Variants in GAN observed in about 807,000 individuals in gnomAD.
The protein encoded by GAN is gigaxonin.
GAN carries 48 observed loss-of-function variants against 71.3 expected under a neutral mutation model. The observed-to-expected ratio is 0.67, with a 90% CI of 0.53 to 0.86. The LOEUF (loss-of-function observed/expected upper bound fraction) is 0.86, where lower values mean the gene tolerates loss of function less well. GAN is among the 40% of genes least tolerant of loss of function. GAN has a pLI of 0.00. For synonymous variants in GAN, 386 were observed against 276.8 expected (o/e 1.39, Z -3.92); for missense variants, 928 against 770.1 (o/e 1.21, Z -2.43).
intron 2 of GAN, among the ~76,000 whole-genome samples, chr16:81,353,035 T>C (rs1910351150): frequency 1.3e-5 from 2 of 152,340 alleles, no homozygotes; most frequent in Non-Finnish European, 2.9e-5. Context: ...CTCACGCCTG[T>C]AATCCCAGCA....
At chr16:81,359,659 A>G (rs942568358) in intron 5 of GAN, among the ~76,000 whole-genome samples, 2 of 152,124 alleles carry the variant, frequency 1.3e-5, no homozygotes, top group African/African-American at 4.8e-5. Context: ...ACTAATAAAT[A>G]TGTACAGTAG....
intron 9 of GAN, among the ~76,000 whole-genome samples, chr16:81,366,385 T>G (rs907652673): frequency 6.6e-6 from 1 of 152,240 alleles, no homozygotes; most frequent in Non-Finnish European, 1.5e-5. Context: ...GATAACATCC[T>G]TCTCGATGTC....
intron 1 of GAN, among the ~76,000 whole-genome samples, chr16:81,338,216 G>A (rs1909829134): frequency 6.6e-6 from 1 of 152,076 alleles, no homozygotes. Context: ...TTATAAAATT[G>A]TCAAGGTGAT....
rs1056933165 is a variant in GAN, at chr16:81,315,005, G to C, written c.-109G>C. 4 of 956,674 alleles carry C rather than the reference G, an allele frequency of 4.2e-6. No homozygotes were observed. In the African/African-American group the frequency reaches 5.2e-5, roughly 12 times the overall value. 59.3% of individuals were successfully genotyped at this position (956,674 alleles called of 1,614,324 possible). A position where few individuals can be genotyped will look rare whatever the true frequency, so the allele number is the denominator to read the frequency against. ...CCGGGGGCTCCAGCTTCTGCTCAGA[G>C]CGCGGAGAGCCGGGCCGGGCGGGCG... is the stretch of plus-strand genomic sequence containing the variant. On this transcript the variant is annotated 5_prime_UTR_variant, in exon 1 of 11. Coordinates refer to ENST00000648994, the MANE Select transcript of GAN (RefSeq NM_022041.4).
chr16:81,342,372 C>T (rs1909972472), intron 1 of GAN, among the ~76,000 whole-genome samples: 1 of 152,138 alleles, frequency 6.6e-6, no homozygotes, highest in Non-Finnish European at 1.5e-5. Context: ...AAATTGACCA[C>T]ATAATTGGAA....
chr16:81,333,079 A>T (rs1448264649), intron 1 of GAN, among the ~76,000 whole-genome samples: 1 of 152,082 alleles, frequency 6.6e-6, no homozygotes, highest in Admixed American at 6.6e-5. Context: ...CTCTACCAAA[A>T]ATACAAAACA....
chr16:81,338,264 A>G (rs547087225), intron 1 of GAN, among the ~76,000 whole-genome samples: 1 of 152,280 alleles, frequency 6.6e-6, no homozygotes, highest in South Asian at 2.1e-4. Flanking sequence ...GAGTTTGTAA[A>G]TTGACATCAT....
rs1904289008 is a variant in GAN at position 81,378,276 on chromosome 16, T to G, written c.*680T>G. The stretch of plus-strand genomic sequence containing the variant: ...GATGAGTCAGGTTGCAGCCCTCATG[T>G]GAACTGAAAGAAGTTGCTCGCTTCT... On this transcript the variant is annotated 3_prime_UTR_variant, in exon 11 of 11. Coordinates refer to ENST00000648994, the MANE Select transcript of GAN (RefSeq NM_022041.4). The G allele has an allele frequency of 6.5e-6, 1 of 154,598 alleles. No homozygotes were observed. The highest frequency in any genetic ancestry group is 1.4e-5 in the Non-Finnish European group (1 of 69,604). 9.6% of individuals were successfully genotyped at this position (154,598 alleles called of 1,614,324 possible). A position where few individuals can be genotyped will look rare whatever the true frequency, so the allele number is the denominator to read the frequency against.
rs752274190 is a variant in GAN, at chr16:81,365,363, G to T, written c.1387G>T (p.Ala463Ser). ...GTGGCCTTTCAGGTTTGGAGCGGTGGCCTGTGGAGTTGCTATGGAGCTGTA... is the reference window on the plus strand; with the variant it reads ...GTGGCCTTTCAGGTTTGGAGCGGTGTCCTGTGGAGTTGCTATGGAGCTGTA... ...PLKERRFGAV[A>S]CGVAMELYVF... Residue 463 changes from alanine (A) to serine (S), a missense_variant, in exon 9 of 11, where the codon GCC becomes TCC. Physicochemically the swap from Ala to Ser is moderately conservative, Grantham distance 99 (BLOSUM62 1). Transcript: ENST00000648994. 1.2e-6 allele frequency: 2 copies of T among 1,613,740 alleles called. No individual in the cohort carries two copies. Among genetic ancestry groups the T allele is most frequent in the African/African-American group, 2.7e-5 (2 of 74,776 alleles).
chr16:81,377,511 G>A lies in GAN; in HGVS notation c.1709G>A (p.Cys570Tyr), dbSNP rs1597414244. Residue 570 changes from cysteine (C) to tyrosine (Y), a missense_variant, in exon 11 of 11, where the codon TGT becomes TAT. Coordinates refer to ENST00000648994, the MANE Select transcript of GAN (RefSeq NM_022041.4). ...CCATCCGACCTTCGCCGTACAGGAT[G>A]TGCAGCCTTACGCATTGCGAATTGC... ...LLPSDLRRTG[C>Y]AALRIANCKL... The A allele has an allele frequency of 6.2e-7, 1 of 1,614,170 alleles. No homozygotes were observed. The highest frequency in any genetic ancestry group is 8.5e-7 in the Non-Finnish European group (1 of 1,179,980).
chr16:81,334,978 A>G (rs922512157), intron 1 of GAN, among the ~76,000 whole-genome samples: 11 of 152,212 alleles, frequency 7.2e-5, no homozygotes, highest in African/African-American at 2.2e-4. Context: ...GGATATTGAC[A>G]TTAAACAAAT....
chr16:81,357,766 T>A (rs766593597), intron 4 of GAN, 44 bp from the exon 5 acceptor site: 4 of 1,579,296 alleles, frequency 2.5e-6, no homozygotes, highest in Non-Finnish European at 1.7e-6. Context: ...TAAAAAGAAC[T>A]GTATGAAGCA....
intron 6 of GAN, among the ~76,000 whole-genome samples, chr16:81,362,889 G>C (rs977230904): frequency 7.9e-5 from 12 of 151,992 alleles, no homozygotes; most frequent in Non-Finnish European, 1.5e-4. Flanking sequence ...CCCCCTCCTC[G>C]CAGCACCTTC....
At chr16:81,350,755 G>T (rs191253707) in intron 1 of GAN, among the ~76,000 whole-genome samples, 2 of 152,158 alleles carry the variant, frequency 1.3e-5, no homozygotes, top group South Asian at 4.1e-4. Flanking sequence ...CTGGCCTCAA[G>T]TGAGCTACCC....
intron 6 of GAN, among the ~76,000 whole-genome samples, chr16:81,363,374 G>A (rs1910742498): frequency 6.6e-6 from 1 of 152,176 alleles, no homozygotes. Context: ...CTCTCTGGCT[G>A]TTGTGCTGGA....
At position 81,352,022 on chromosome 16, in the gene GAN, C is replaced by T. The variant is rs1309722330; in HGVS notation, c.282+325C>T. Among the ~76,000 whole-genome samples the T allele has an allele frequency of 2.6e-5, 4 of 152,104 alleles. No homozygotes were observed. In the East Asian group the frequency reaches 7.7e-4, roughly 29 times the overall value. On this transcript the variant is annotated intron_variant, in intron 2 of 10. Transcript: ENST00000648994. Reference sequence around the variant, plus strand: ...TGTTTTTGGTTTTTGCTTTGGAATCCCGATTCCAGTCTTGCTTTGTATCCA... The same window carrying T: ...TGTTTTTGGTTTTTGCTTTGGAATCTCGATTCCAGTCTTGCTTTGTATCCA...
At chr16:81,332,917 C>T (rs1321339764) in intron 1 of GAN, among the ~76,000 whole-genome samples, 1 of 152,126 alleles carries the variant, frequency 6.6e-6, no homozygotes, top group Admixed American at 6.5e-5. Flanking sequence ...TGGTATTGTT[C>T]AGTTTGATCA....
rs1040406974 is a variant in GAN at position 81,380,102 on chromosome 16, C to T, written c.*2506C>T. ...AAGTATAGGGATGTATTTAATTTTACTATGCTCCAACATTAATCATGACTC... is the reference window on the plus strand; with the variant it reads ...AAGTATAGGGATGTATTTAATTTTATTATGCTCCAACATTAATCATGACTC... On this transcript the variant is annotated 3_prime_UTR_variant, in exon 11 of 11. Transcript: ENST00000648994. 1 of 152,532 alleles carries T rather than the reference C, an allele frequency of 6.6e-6. No individual in the cohort carries two copies. Among genetic ancestry groups the T allele is most frequent in the Admixed American group, 6.6e-5 (1 of 15,260 alleles). 9.4% of individuals were successfully genotyped at this position (152,532 alleles called of 1,614,324 possible).
chr16:81,364,946 C>A (rs767101884), intron 7 of GAN, 28 bp from the exon 8 acceptor site: 1 of 1,612,238 alleles, frequency 6.2e-7, no homozygotes, highest in Admixed American at 1.7e-5. Flanking sequence ...AATGTTGCCT[C>A]TCCCCCACCA....
Sources: allele counts gnomAD v4.1 joint callset (sites outside exome capture counted in the v4.1 genomes callset), GRCh38; gene constraint gnomAD v4.1.1; transcripts MANE v1.5; gene names NCBI Gene and HGNC (gene_info 2026-07-23, HGNC 2026-07-21).